NGEF: variants seen among roughly 807,000 people sequenced by gnomAD.
The protein encoded by NGEF is ephexin-1.
In NGEF, 31 loss-of-function variants were observed where a neutral mutation model predicts 80.9. The observed-to-expected ratio is 0.38, with a 90% CI of 0.29 to 0.52. NGEF has a LOEUF of 0.52. NGEF is among the 20% of genes least tolerant of loss of function. The pLI is 0.84. For missense variants in NGEF, 709 were observed against 926.2 expected (o/e 0.77, Z 3.04); for synonymous variants, 371 against 370.2 (o/e 1.00, Z -0.03).
At chr2:232,888,234 ACACGCACG>A (rs72427034) in intron 8 of NGEF, 127 bp from the exon 9 acceptor site, 4 of 629,974 alleles carry the variant, frequency 6.3e-6, no homozygotes, top group African/African-American at 1.9e-5. Context: ...ACACACACAC[ACACGCACG>A]CACGCACACG....
At chr2:232,931,440 C>T (rs1417176052) in intron 3 of NGEF, among the ~76,000 whole-genome samples, 2 of 152,134 alleles carry the variant, frequency 1.3e-5, no homozygotes, top group South Asian at 2.1e-4. Flanking sequence ...TTCTTCCTGA[C>T]AAACATAGTA....
At chr2:232,991,466 A>G (rs952440327) in intron 1 of NGEF, among the ~76,000 whole-genome samples, 1 of 152,102 alleles carries the variant, frequency 6.6e-6, no homozygotes, top group Non-Finnish European at 1.5e-5. Context: ...AATAAACCAT[A>G]AATTAAAATT....
At chr2:232,939,626 TGAAACA>T (rs1270545404) in intron 3 of NGEF, among the ~76,000 whole-genome samples, 12 of 152,230 alleles carry the variant, frequency 7.9e-5, no homozygotes, top group Non-Finnish European at 1.3e-4. Flanking sequence ...CATTACCTAT[TGAAACA>T]GAAACAACTA....
intron 1 of NGEF, among the ~76,000 whole-genome samples, chr2:233,007,158 C>T (rs887093737): frequency 9.9e-5 from 15 of 152,114 alleles, no homozygotes; most frequent in Admixed American, 3.9e-4. Context: ...ATGGGAGGAT[C>T]GCTTGAGCCT....
intron 5 of NGEF, among the ~76,000 whole-genome samples, chr2:232,896,724 A>G (rs13395246): frequency 0.57 from 6,002 of 10,452 alleles, 2,023 homozygotes; most frequent in Admixed American, 0.61. Context: ...GGGTGAGTGC[A>G]AAAGTAGGGG....
chr2:232,994,730 A>C (rs575533251), intron 1 of NGEF, among the ~76,000 whole-genome samples: 152 of 152,168 alleles, frequency 1.0e-3, no homozygotes, highest in Non-Finnish European at 1.8e-3. Flanking sequence ...AGGGAGGACA[A>C]ATGTTATCCA....
chr2:232,891,981 C>G (rs1161610947), intron 7 of NGEF, among the ~76,000 whole-genome samples: 1 of 151,058 alleles, frequency 6.6e-6, no homozygotes, highest in East Asian at 1.9e-4. Context: ...GCAGGGACGG[C>G]AGGGACAGCA....
At chr2:232,918,403 A>G (rs968998597) in intron 5 of NGEF, among the ~76,000 whole-genome samples, 1 of 152,054 alleles carries the variant, frequency 6.6e-6, no homozygotes, top group African/African-American at 2.4e-5. Context: ...ACCGAGCCTC[A>G]ATTGAAGAAT....
At chr2:232,886,693 A>G (rs1304776646) in intron 9 of NGEF, among the ~76,000 whole-genome samples, 2 of 152,276 alleles carry the variant, frequency 1.3e-5, no homozygotes, top group Non-Finnish European at 2.9e-5. Context: ...GCAGAAAAGA[A>G]CTTTAAAAAC....
At chr2:232,903,922 G>T (rs1252780019) in intron 5 of NGEF, among the ~76,000 whole-genome samples, 3 of 152,182 alleles carry the variant, frequency 2.0e-5, no homozygotes, top group Admixed American at 6.5e-5. Flanking sequence ...ACACGCTTAA[G>T]TTGTGAAACA....
chr2:232,977,494 C>G (rs1263874885), intron 1 of NGEF, among the ~76,000 whole-genome samples: 1 of 152,152 alleles, frequency 6.6e-6, no homozygotes, highest in Non-Finnish European at 1.5e-5. Context: ...TTCAGTGAGG[C>G]CTGCCTGCCG....
At chr2:232,934,242 A>AG (rs1693281390) in intron 3 of NGEF, among the ~76,000 whole-genome samples, 1 of 8,684 alleles carries the variant, frequency 1.2e-4, no homozygotes, top group Non-Finnish European at 2.5e-4. Flanking sequence ...ACTGCATCTC[A>AG]AAAAAAAAAA....
intron 1 of NGEF, among the ~76,000 whole-genome samples, chr2:232,980,784 TCAGA>T (rs1354955010): frequency 1.3e-5 from 2 of 151,910 alleles, no homozygotes; most frequent in African/African-American, 4.8e-5. Flanking sequence ...CAGGCATGAG[TCAGA>T]CAGCTCGCAG....
At chr2:232,984,504 A>G (rs1003298444) in intron 1 of NGEF, among the ~76,000 whole-genome samples, 10 of 152,246 alleles carry the variant, frequency 6.6e-5, no homozygotes, top group Admixed American at 5.2e-4. Context: ...ATTTGTATCT[A>G]TAACCTGTGA....
chr2:232,949,921 C>G (rs1693645184), intron 3 of NGEF, among the ~76,000 whole-genome samples: 1 of 152,016 alleles, frequency 6.6e-6, no homozygotes. Flanking sequence ...AAGTGATTCT[C>G]CTGTCTCTGC....
chr2:232,942,323 C>G lies in NGEF; in HGVS notation c.384-15137G>C, dbSNP rs550631337. Among the ~76,000 whole-genome samples, 328 of 152,320 alleles carry G rather than the reference C, an allele frequency of 2.2e-3. 2 individuals carry two copies. Among genetic ancestry groups the G allele is most frequent in the African/African-American group, 7.7e-3 (319 of 41,578 alleles). On this transcript the variant is annotated intron_variant, in intron 3 of 14. Transcript: ENST00000264051. ...AGGACCTGGCCTGAGTGAGCCTGCC[C>G]CACTTGTCGCTGTGAGGGGCAGAGC...
intron 2 of NGEF, among the ~76,000 whole-genome samples, chr2:232,970,632 T>C (rs996446745): frequency 4.6e-5 from 7 of 151,992 alleles, no homozygotes; most frequent in African/African-American, 1.7e-4. Flanking sequence ...ATAGCCAACA[T>C]GGTGAAACCC....
chr2:232,970,689 C>T (rs111679895), intron 2 of NGEF, among the ~76,000 whole-genome samples: 13,430 of 152,016 alleles, frequency 0.088, 708 homozygotes, highest in South Asian at 0.17. Context: ...GTAGCGGATG[C>T]CTGTGATCCA....
At chr2:232,887,559 T>A (rs550604868) in intron 9 of NGEF, among the ~76,000 whole-genome samples, 60 of 151,928 alleles carry the variant, frequency 3.9e-4, no homozygotes, top group Non-Finnish European at 7.5e-4. Flanking sequence ...ACAGGGAAAG[T>A]GGGAACCAGC....
Sources: allele counts gnomAD v4.1 joint callset (sites outside exome capture counted in the v4.1 genomes callset), GRCh38; gene constraint gnomAD v4.1.1; transcripts MANE v1.5; gene names NCBI Gene and HGNC (gene_info 2026-07-23, HGNC 2026-07-21).